Variants in UGT2B17 observed in about 807,000 individuals in gnomAD.
The protein encoded by UGT2B17 is UDP-glucuronosyltransferase 2B17.
UGT2B17 carries 21 observed loss-of-function variants against 48.2 expected under a neutral mutation model. The observed-to-expected ratio is 0.44, with a 90% CI of 0.31 to 0.63. The LOEUF is 0.63. Among genes scored for constraint, UGT2B17 ranks in the 20% least tolerant of loss-of-function variants. UGT2B17 has a pLI of 0.08. For missense variants in UGT2B17, 402 were observed against 696.1 expected (o/e 0.58, Z 4.75); for synonymous variants, 146 against 238.4 (o/e 0.61, Z 3.57).
At chr4:68,551,732 T>A (rs9999599) in intron 5 of UGT2B17, 92 bp downstream of exon 5, 546,591 of 899,014 alleles carry the variant, frequency 0.61, 207,917 homozygotes, top group Middle Eastern at 0.77. Flanking sequence ...TTTCCAATAA[T>A]AAATGTTAAA....
rs1332343826 is a variant in UGT2B17 at position 68,563,254 on chromosome 4, G to A, written c.873+2318C>T. Among the ~76,000 whole-genome samples, 5 of 127,072 alleles carry A rather than the reference G, an allele frequency of 3.9e-5. 2 individuals carry two copies. The highest frequency in any genetic ancestry group is 1.5e-3 in the East Asian group (2 of 1,314). The allele number at this position is 127,072 out of a possible 152,430, so 83.4% of individuals were successfully genotyped here. On this transcript the variant is annotated intron_variant, in intron 3 of 6. Coordinates refer to ENST00000317746, the MANE Select transcript of UGT2B17 (RefSeq NM_001077.4). ...GGCAACAATTATTTTGTGTACAAAA[G>A]AATTAGAGAATCGGTTTCACAATTA...
At chr4:68,547,657 C>T (rs1265286629) in intron 6 of UGT2B17, among the ~76,000 whole-genome samples, 1 of 125,796 alleles carries the variant, frequency 7.9e-6, no homozygotes, top group South Asian at 3.7e-4. Flanking sequence ...AATGGGAGAA[C>T]ATTTTTGCAA....
rs1731270102 is a variant in UGT2B17, at chr4:68,569,732, A to ATC, written c.-64-1186_-64-1185dup. Among the ~76,000 whole-genome samples, 2 of 126,222 alleles carry ATC rather than the reference A, an allele frequency of 1.6e-5. 1 individual carries two copies. Among genetic ancestry groups the ATC allele is most frequent in the African/African-American group, 5.4e-5 (2 of 36,832 alleles). 82.8% of individuals were successfully genotyped at this position (126,222 alleles called of 152,430 possible). A position where few individuals can be genotyped will look rare whatever the true frequency, so the allele number is the denominator to read the frequency against. On this transcript the variant is annotated intron_variant, in intron 1 of 6. Coordinates refer to ENST00000317746, the MANE Select transcript of UGT2B17 (RefSeq NM_001077.4). The stretch of plus-strand genomic sequence containing the variant: ...ATGAACCCTTGAAGATCAAGAGGCC[A>ATC]TCCAGATACTACATAGCAGTCACGT...
chr4:68,540,750 T>A (rs1430201661), intron 6 of UGT2B17, among the ~76,000 whole-genome samples: 1 of 125,796 alleles, frequency 7.9e-6, no homozygotes, highest in Non-Finnish European at 1.7e-5. Context: ...GTCATCTAGA[T>A]TTTAAGTCCC....
chr4:68,565,980 T>C (rs1731192922), intron 2 of UGT2B17, among the ~76,000 whole-genome samples: 1 of 118,956 alleles, frequency 8.4e-6, no homozygotes, highest in Admixed American at 8.9e-5. Context: ...TGTTAATATA[T>C]TTTAATTTAA....
rs755468238 is a variant in UGT2B17 at position 68,537,948 on chromosome 4, T to C, written c.1314-44A>G. On this transcript the variant is annotated intron_variant, in intron 6 of 6. Transcript: ENST00000317746. ...GATATCAACATTAAAAGTAAATTTATTGCTTAAGCATATCAAGTCTATGGA... is the reference window on the plus strand; with the variant it reads ...GATATCAACATTAAAAGTAAATTTACTGCTTAAGCATATCAAGTCTATGGA... The C allele has an allele frequency of 8.0e-6, 10 of 1,248,008 alleles. 1 individual carries two copies. Among genetic ancestry groups the C allele is most frequent in the Non-Finnish European group, 8.3e-6 (8 of 968,526 alleles). 77.3% of individuals were successfully genotyped at this position (1,248,008 alleles called of 1,614,324 possible).
In UGT2B17 at chr4:68,537,775, G is replaced by A. The variant is rs371257307; in HGVS notation, c.1443C>T (p.Ala481=). The change falls in exon 7 of 7, where the codon GCC becomes GCT. Residue 481 remains alanine, a synonymous_variant. Transcript: ENST00000317746. The stretch of plus-strand genomic sequence containing the variant: ...GGTACTGGATCCAGGTGAGGTTGTG[G>A]GCTGCGACCCGAAGGTGCTTGGCTC... ...HKGAKHLRVA[A]HNLTWIQYHS... 3 of 1,379,566 alleles carry A rather than the reference G, an allele frequency of 2.2e-6. No homozygotes were observed. Among genetic ancestry groups the A allele is most frequent in the Middle Eastern group, 1.9e-4 (1 of 5,150 alleles). 85.5% of individuals were successfully genotyped at this position (1,379,566 alleles called of 1,614,324 possible).
intron 5 of UGT2B17, 128 bp downstream of exon 5, chr4:68,551,696 G>A (rs1213535406): frequency 1.5e-6 from 1 of 646,190 alleles, no homozygotes; most frequent in Non-Finnish European, 2.2e-6. Flanking sequence ...TAAATATAAA[G>A]TAGTTAAATT....
chr4:68,553,370 C>A (rs73823670), intron 4 of UGT2B17, among the ~76,000 whole-genome samples: 4,969 of 126,726 alleles, frequency 0.039, 1,139 homozygotes, highest in African/African-American at 0.12. Context: ...CCACCCTATA[C>A]CTCCTTTTGT....
Position 68,553,338 on chromosome 4 carries a change from T to C in UGT2B17, c.1006-1427A>G, listed in dbSNP as rs1431663018. 2.4e-5 allele frequency among the ~76,000 whole-genome samples: 3 copies of C among 126,550 alleles called. 1 individual carries two copies. Among genetic ancestry groups the C allele is most frequent in the Non-Finnish European group, 5.0e-5 (3 of 59,610 alleles). 83.0% of individuals were successfully genotyped at this position (126,550 alleles called of 152,430 possible). On this transcript the variant is annotated intron_variant, in intron 4 of 6. Transcript: ENST00000317746. ...TGCTTCCTGTCTTTAAAAAAACAAATGTTCTTTTGTTTACTTTTCCTCCAC... is the reference window on the plus strand; with the variant it reads ...TGCTTCCTGTCTTTAAAAAAACAAACGTTCTTTTGTTTACTTTTCCTCCAC...
rs1169354914 is a variant in UGT2B17, at chr4:68,561,392, A to G, written c.874-724T>C. Reference sequence around the variant, plus strand: ...TCCGGGAAATAGTTCTGAGAATTCCATTTATAATACAGTATTATATACTAT... The same window carrying G: ...TCCGGGAAATAGTTCTGAGAATTCCGTTTATAATACAGTATTATATACTAT... On this transcript the variant is annotated intron_variant, in intron 3 of 6. Coordinates refer to ENST00000317746, the MANE Select transcript of UGT2B17 (RefSeq NM_001077.4). Among the ~76,000 whole-genome samples the G allele has an allele frequency of 1.6e-5, 2 of 123,822 alleles. 1 individual carries two copies. Among genetic ancestry groups the G allele is most frequent in the Non-Finnish European group, 3.4e-5 (2 of 59,074 alleles). 81.2% of individuals were successfully genotyped at this position (123,822 alleles called of 152,430 possible).
intron 6 of UGT2B17, among the ~76,000 whole-genome samples, chr4:68,546,545 T>G (rs1218923216): frequency 7.9e-6 from 1 of 126,022 alleles, no homozygotes; most frequent in Non-Finnish European, 1.7e-5. Flanking sequence ...TCACCACTCC[T>G]ATTCAACACA....
chr4:68,551,673 T>G, intron 5 of UGT2B17, 151 bp downstream of exon 5: 3 of 536,142 alleles, frequency 5.6e-6, no homozygotes, highest in Non-Finnish European at 8.2e-6. Context: ...CTTCTTATAC[T>G]AAGACTAGAA....
At chr4:68,554,114 A>G (rs1238104247) in intron 4 of UGT2B17, among the ~76,000 whole-genome samples, 1 of 125,602 alleles carries the variant, frequency 8.0e-6, no homozygotes, top group Non-Finnish European at 1.7e-5. Context: ...GGAGGGAGAA[A>G]CTGAGACACG....
intron 1 of UGT2B17, among the ~76,000 whole-genome samples, chr4:68,571,213 C>A (rs1363108530): frequency 1.6e-5 from 2 of 125,462 alleles, no homozygotes; most frequent in African/African-American, 5.5e-5. Context: ...TATTTATCAT[C>A]TTTTCCTATG....
chr4:68,538,746 C>G (rs1477449913), intron 6 of UGT2B17, among the ~76,000 whole-genome samples: 1 of 126,548 alleles, frequency 7.9e-6, no homozygotes, highest in Non-Finnish European at 1.7e-5. Flanking sequence ...CCAAATCTGT[C>G]TGTGGTCTAG....
At position 68,575,504 on chromosome 4, in the gene UGT2B17, C is replaced by T. The variant is rs762271940; in HGVS notation, c.-65+447G>A. Among the ~76,000 whole-genome samples, 11 of 125,036 alleles carry T rather than the reference C, an allele frequency of 8.8e-5. 2 individuals are homozygous for T. The highest frequency in any genetic ancestry group is 1.3e-4 in the Non-Finnish European group (8 of 59,384). 82.0% of individuals were successfully genotyped at this position (125,036 alleles called of 152,430 possible). ...CTCTATTAAATCCTTTCTTGAAATT[C>T]ATTATCATAGTTCCCAGTGCAGTGG... On this transcript the variant is annotated intron_variant, in intron 1 of 6. Coordinates refer to ENST00000317746, the MANE Select transcript of UGT2B17 (RefSeq NM_001077.4).
intron 6 of UGT2B17, among the ~76,000 whole-genome samples, chr4:68,544,934 T>A (rs1205283828): frequency 7.9e-6 from 1 of 126,098 alleles, no homozygotes; most frequent in Non-Finnish European, 1.7e-5. Flanking sequence ...AGCAAGTCCT[T>A]AGATACCTAC....
intron 6 of UGT2B17, among the ~76,000 whole-genome samples, chr4:68,542,110 A>G (rs920462868): frequency 2.4e-5 from 3 of 125,656 alleles, no homozygotes; most frequent in African/African-American, 5.5e-5. Context: ...CCAAAACACC[A>G]TTTATTAAAT....
Sources: allele counts gnomAD v4.1 joint callset (sites outside exome capture counted in the v4.1 genomes callset), GRCh38; gene constraint gnomAD v4.1.1; transcripts MANE v1.5; gene names NCBI Gene and HGNC (gene_info 2026-07-23, HGNC 2026-07-21).